The following WDR77 variants were observed in gnomAD, a reference collection of about 807,000 sequenced individuals.
The protein encoded by WDR77 is WD repeat domain 77, also known as methylosome protein WDR77.
In WDR77, 31 loss-of-function variants were observed where a neutral mutation model predicts 44.0. The ratio of observed to expected loss-of-function variants is 0.70; its 90% CI spans 0.53 to 0.95. WDR77 has a LOEUF of 0.95. Among genes scored for constraint, WDR77 ranks in the 40% least tolerant of loss-of-function variants. The pLI is 0.00. For missense variants in WDR77, 390 were observed against 423.9 expected (o/e 0.92, Z 0.70); for synonymous variants, 186 against 165.7 (o/e 1.12, Z -0.94).
rs915967297 is a variant in WDR77 at position 111,447,323 on chromosome 1, T to C, written c.443+112A>G. The C allele has an allele frequency of 1.8e-5, 28 of 1,527,130 alleles. No individual in the cohort carries two copies. In the African/African-American group the frequency reaches 2.8e-4, roughly 15 times the overall value. The allele number at this position is 1,527,130 out of a possible 1,614,324, so 94.6% of individuals were successfully genotyped here. The stretch of plus-strand genomic sequence containing the variant: ...AGGAAACCTTATAGACATGCTAAAA[T>C]AAGTCACTGGATTCTTAGAATAAGC... On this transcript the variant is annotated intron_variant, in intron 3 of 9. Coordinates refer to ENST00000235090, the MANE Select transcript of WDR77 (RefSeq NM_024102.4).
intron 2 of WDR77, among the ~76,000 whole-genome samples, chr1:111,448,359 G>C (rs1653141848): frequency 6.6e-6 from 1 of 152,182 alleles, no homozygotes; most frequent in African/African-American, 2.4e-5. Flanking sequence ...TTAAGGGGCA[G>C]GTTACACAGA....
chr1:111,441,918 G>A (rs963090424), intron 9 of WDR77, 107 bp downstream of exon 9: 8 of 1,110,926 alleles, frequency 7.2e-6, no homozygotes, highest in Non-Finnish European at 1.1e-5. Flanking sequence ...GATACAGATG[G>A]AGAATCTGTT....
In WDR77 at chr1:111,443,917, T is replaced by C. The variant is rs1458699058; in HGVS notation, c.569A>G (p.Asn190Ser). Residue 190 changes from asparagine to serine, a missense_variant, in exon 6 of 10, where the codon AAT (asparagine) becomes AGT (serine). Coordinates refer to ENST00000235090, the MANE Select transcript of WDR77 (RefSeq NM_024102.4). The part of the protein sequence containing the change: ...DSVFLSCSED[N>S]RILLWDTRCP... Reference sequence around the variant, plus strand: ...GCGGGTATCCCAGAGTAAAATTCTATTGTCCTAGAGGAAGGTGGAACAGAA... The same window carrying C: ...GCGGGTATCCCAGAGTAAAATTCTACTGTCCTAGAGGAAGGTGGAACAGAA... 3 of 1,614,160 alleles carry C rather than the reference T, an allele frequency of 1.9e-6. No homozygotes were observed. Among genetic ancestry groups the C allele is most frequent in the East Asian group, 2.2e-5 (1 of 44,882 alleles).
chr1:111,443,561 C>A lies in WDR77; in HGVS notation c.620-167G>T, dbSNP rs2298184. On this transcript the variant is annotated intron_variant, in intron 6 of 9. Transcript: ENST00000235090. ...CCTCATAACCATTTATCCCAGCAGC[C>A]TCCTGCCCTTTCTGGACACGAGTCA... 5 of 851,978 alleles carry A rather than the reference C, an allele frequency of 5.9e-6. No homozygotes were observed. In the East Asian group the frequency reaches 6.1e-4, roughly 105 times the overall value. 52.8% of individuals were successfully genotyped at this position (851,978 alleles called of 1,614,324 possible). A position where few individuals can be genotyped will look rare whatever the true frequency, so the allele number is the denominator to read the frequency against.
rs1460356386 is a variant in WDR77, at chr1:111,444,050, T to C, written c.564+4A>G. 8.7e-6 allele frequency: 14 copies of C among 1,613,618 alleles called. No individual in the cohort carries two copies. Among genetic ancestry groups the C allele is most frequent in the African/African-American group, 4.0e-5 (3 of 74,878 alleles). On this transcript the variant is annotated splice_donor_region_variant and intron_variant, in intron 5 of 9. Coordinates refer to ENST00000235090, the MANE Select transcript of WDR77 (RefSeq NM_024102.4). ...TGTTTAGGGAAGAAGGAGCTATCTCTTACCTCGCTGCATGAAAGAAACACA... is the reference window on the plus strand; with the variant it reads ...TGTTTAGGGAAGAAGGAGCTATCTCCTACCTCGCTGCATGAAAGAAACACA...
At chr1:111,447,407 G>A (rs1211139909) in intron 3 of WDR77, 28 bp downstream of exon 3, 1 of 1,613,374 alleles carries the variant, frequency 6.2e-7, no homozygotes, top group Non-Finnish European at 8.5e-7. Context: ...GAGGCTTAGA[G>A]ACAGGAGCAA....
In WDR77 at chr1:111,441,402, A is replaced by G. The variant is rs547322978; in HGVS notation, c.870-13T>C. ...TTGGCTTCTAAACCTAGAAGAAAGA[A>G]AAAAAGTCGGGGCAGAGTAGAGACA... is the stretch of plus-strand genomic sequence containing the variant. On this transcript the variant is annotated splice_polypyrimidine_tract_variant and intron_variant, in intron 9 of 9. Coordinates refer to ENST00000235090, the MANE Select transcript of WDR77 (RefSeq NM_024102.4). The G allele has an allele frequency of 8.1e-6, 12 of 1,488,962 alleles. No homozygotes were observed. In the Admixed American group the frequency reaches 2.5e-4, roughly 32 times the overall value. The allele number at this position is 1,488,962 out of a possible 1,614,324, so 92.2% of individuals were successfully genotyped here.
At chr1:111,442,629 G>A in intron 8 of WDR77, 24 bp downstream of exon 8, 1 of 1,499,366 alleles carries the variant, frequency 6.7e-7, no homozygotes, top group South Asian at 1.4e-5. Flanking sequence ...TACCCATCAG[G>A]CCCCTGATGA....
intron 7 of WDR77, among the ~76,000 whole-genome samples, chr1:111,443,056 GAT>G (rs1652878539): frequency 6.6e-6 from 1 of 152,172 alleles, no homozygotes; most frequent in African/African-American, 2.4e-5. Context: ...TTGCTTTGTG[GAT>G]CACTGACTTA....
At chr1:111,443,594 G>A (rs1289085251) in intron 6 of WDR77, 200 bp from the exon 7 acceptor site, 1 of 960,168 alleles carries the variant, frequency 1.0e-6, no homozygotes, top group Non-Finnish European at 1.2e-6. Flanking sequence ...TCACAGGCAA[G>A]TTTCAGGCAC....
At chr1:111,444,242 T>A in intron 4 of WDR77, 118 bp from the exon 5 acceptor site, 1 of 951,566 alleles carries the variant, frequency 1.1e-6, no homozygotes, top group Non-Finnish European at 1.6e-6. Context: ...TGATGCAATT[T>A]AACAAATTTT....
Position 111,449,233 on chromosome 1 carries a change from G to A in WDR77, c.-64C>T. ...GCCGGCCGGAGACTCCGCTCCGGCAGCAAACCCCACGTGGTGCACCTCTGA... is the reference window on the plus strand; with the variant it reads ...GCCGGCCGGAGACTCCGCTCCGGCAACAAACCCCACGTGGTGCACCTCTGA... On this transcript the variant is annotated 5_prime_UTR_variant, in exon 1 of 10. Coordinates refer to ENST00000235090, the MANE Select transcript of WDR77 (RefSeq NM_024102.4). 3 of 1,535,216 alleles carry A rather than the reference G, an allele frequency of 2.0e-6. No homozygotes were observed. Among genetic ancestry groups the A allele is most frequent in the Non-Finnish European group, 2.6e-6 (3 of 1,146,306 alleles).
rs924621734 is a variant in WDR77 at position 111,440,692 on chromosome 1, C to G, written c.*538G>C. ...GGTAAGGAGTTGTGTAAAACCGTACCAAGTCCTGCTTCTTCCTCAGAGTGA... is the reference window on the plus strand; with the variant it reads ...GGTAAGGAGTTGTGTAAAACCGTACGAAGTCCTGCTTCTTCCTCAGAGTGA... On this transcript the variant is annotated 3_prime_UTR_variant, in exon 10 of 10. Coordinates refer to ENST00000235090, the MANE Select transcript of WDR77 (RefSeq NM_024102.4). 1 of 152,156 alleles carries G rather than the reference C, an allele frequency of 6.6e-6. No individual in the cohort carries two copies. Among genetic ancestry groups the G allele is most frequent in the Non-Finnish European group, 1.5e-5 (1 of 68,034 alleles). 9.4% of individuals were successfully genotyped at this position (152,156 alleles called of 1,614,324 possible). A position where few individuals can be genotyped will look rare whatever the true frequency, so the allele number is the denominator to read the frequency against.
At chr1:111,441,849 T>C (rs570460559) in intron 9 of WDR77, among the ~76,000 whole-genome samples, 176 bp downstream of exon 9, 1 of 152,282 alleles carries the variant, frequency 6.6e-6, no homozygotes, top group South Asian at 2.1e-4. Context: ...GGGTTGTGAA[T>C]GTGCCCCAGG....
In WDR77 at chr1:111,447,527, G is replaced by A; in HGVS notation, c.351C>T (p.Ser117=). 1 of 1,614,196 alleles carries A rather than the reference G, an allele frequency of 6.2e-7. No individual in the cohort carries two copies. Among genetic ancestry groups the A allele is most frequent in the South Asian group, 1.1e-5 (1 of 91,088 alleles). ...ELDENETLIV[S]KFCKYEHDDI... ...CATCATGCTCATACTTGCAGAACTTGCTGACAATAAGTGTCTCATTCTCAT... is the reference window on the plus strand; with the variant it reads ...CATCATGCTCATACTTGCAGAACTTACTGACAATAAGTGTCTCATTCTCAT... The change falls in exon 3 of 10, where the codon AGC becomes AGT. Residue 117 remains serine, a synonymous_variant. Transcript: ENST00000235090.
chr1:111,442,661 G>A lies in WDR77; in HGVS notation c.792C>T (p.Ser264=). The change falls in exon 8 of 10, where the codon TCC becomes TCT. Residue 264 remains serine (S), a synonymous_variant. Transcript: ENST00000235090. The part of the protein sequence containing the change: ...HSQCVTGLVF[S]PHSVPFLASL... ...ATGACAAAGAACAGTACCTGTGTGG[G>A]GAGAACACCAGCCCAGTGACACACT... 6.4e-7 allele frequency: 1 copy of A among 1,573,544 alleles called. No individual in the cohort carries two copies. Among genetic ancestry groups the A allele is most frequent in the Non-Finnish European group, 8.7e-7 (1 of 1,154,566 alleles).
intron 4 of WDR77, 141 bp from the exon 5 acceptor site, chr1:111,444,265 G>A (rs1652931386): frequency 1.3e-6 from 1 of 745,686 alleles, no homozygotes; most frequent in African/African-American, 1.8e-5. Flanking sequence ...GGGAGATTAT[G>A]GATTAGACAA....
At chr1:111,446,409 T>C (rs1471363154) in intron 4 of WDR77, among the ~76,000 whole-genome samples, 1 of 151,968 alleles carries the variant, frequency 6.6e-6, no homozygotes, top group East Asian at 1.9e-4. Context: ...TTTATGAAGG[T>C]AAATACTCAA....
At chr1:111,445,679 T>C (rs1362426082) in intron 4 of WDR77, among the ~76,000 whole-genome samples, 1 of 152,094 alleles carries the variant, frequency 6.6e-6, no homozygotes, top group Non-Finnish European at 1.5e-5. Flanking sequence ...AAAGGCTGCA[T>C]GGCAGAAATG....
Sources: allele counts gnomAD v4.1 joint callset (sites outside exome capture counted in the v4.1 genomes callset), GRCh38; gene constraint gnomAD v4.1.1; transcripts MANE v1.5; gene names NCBI Gene and HGNC (gene_info 2026-07-23, HGNC 2026-07-21).